The following CCDC6 variants were observed in gnomAD, a reference collection of about 807,000 sequenced individuals.
CCDC6 encodes coiled-coil domain-containing protein 6.
A neutral mutation model predicts 56.6 loss-of-function variants in CCDC6; 20 were observed. That is an observed-to-expected ratio of 0.35 (90% CI 0.25 to 0.51). The LOEUF (loss-of-function observed/expected upper bound fraction) is 0.51. Ranked by LOEUF, CCDC6 falls within the 20% of genes least tolerant of loss-of-function variation. The pLI, the probability that CCDC6 is intolerant of heterozygous loss-of-function variation, is 0.95. For synonymous variants in CCDC6, 241 were observed against 234.4 expected (o/e 1.03, Z -0.26); for missense variants, 367 against 601.1 (o/e 0.61, Z 4.07).
intron 7 of CCDC6, among the ~76,000 whole-genome samples, chr10:59,803,630 T>C (rs2070594977): frequency 6.6e-6 from 1 of 152,178 alleles, no homozygotes; most frequent in Admixed American, 6.5e-5. Flanking sequence ...TGCTCCTCTT[T>C]CTCTCTCACT....
chr10:59,864,299 A>C (rs1467895351), intron 1 of CCDC6, among the ~76,000 whole-genome samples: 1 of 152,230 alleles, frequency 6.6e-6, no homozygotes, highest in East Asian at 1.9e-4. Context: ...TCAGATGCAG[A>C]GTCCACTCAA....
Position 59,884,835 on chromosome 10 carries a change from G to A in CCDC6, c.303+21287C>T, listed in dbSNP as rs539718009. On this transcript the variant is annotated intron_variant, in intron 1 of 8. Coordinates refer to ENST00000263102, the MANE Select transcript of CCDC6 (RefSeq NM_005436.5). ...TCCCAGCACTTTGGGAGGCCGAGGC[G>A]GGCAGATCACTTGAAGTCAGGAATT... 2.6e-5 allele frequency among the ~76,000 whole-genome samples: 4 copies of A among 152,220 alleles called. No individual in the cohort carries two copies. In the South Asian group the frequency reaches 6.2e-4, roughly 24 times the overall value.
intron 1 of CCDC6, among the ~76,000 whole-genome samples, chr10:59,863,968 C>T (rs1487859664): frequency 6.6e-6 from 1 of 152,156 alleles, no homozygotes; most frequent in Admixed American, 6.5e-5. Flanking sequence ...GTTACAGGCA[C>T]ATTCCAACTT....
intron 5 of CCDC6, 55 bp from the exon 6 acceptor site, chr10:59,807,133 T>C (rs975777341): frequency 1.8e-5 from 28 of 1,521,806 alleles, no homozygotes; most frequent in Middle Eastern, 3.5e-4. Flanking sequence ...TATCCAAATC[T>C]AAAAAAAAGG....
chr10:59,833,334 G>A (rs959329686), intron 2 of CCDC6, among the ~76,000 whole-genome samples: 3 of 151,978 alleles, frequency 2.0e-5, no homozygotes, highest in African/African-American at 7.3e-5. Context: ...CTGTAATCCC[G>A]GCTACTTGGG....
intron 1 of CCDC6, among the ~76,000 whole-genome samples, chr10:59,873,254 T>G (rs1208663127): frequency 6.6e-6 from 1 of 152,178 alleles, no homozygotes; most frequent in African/African-American, 2.4e-5. Context: ...ATAGGTTCTT[T>G]GCAGATGTAA....
intron 1 of CCDC6, 129 bp from the exon 2 acceptor site, chr10:59,852,831 G>C: frequency 1.5e-6 from 1 of 654,294 alleles, no homozygotes. Context: ...ATTTTTAGCT[G>C]TGAACCAACA....
chr10:59,881,107 T>A (rs982203843), intron 1 of CCDC6, among the ~76,000 whole-genome samples: 1 of 152,180 alleles, frequency 6.6e-6, no homozygotes, highest in Admixed American at 6.5e-5. Flanking sequence ...GCCATGTGCC[T>A]TCTGACTAAA....
At chr10:59,814,539 T>C in intron 4 of CCDC6, 113 bp downstream of exon 4, 5 of 648,602 alleles carry the variant, frequency 7.7e-6, no homozygotes, top group Non-Finnish European at 8.2e-6. Context: ...ATTAAAATGA[T>C]GTGCATCACC....
intron 7 of CCDC6, among the ~76,000 whole-genome samples, chr10:59,798,991 CAAAAAAAAAAA>C (rs34505959): frequency 6.5e-5 from 5 of 76,984 alleles, no homozygotes; most frequent in East Asian, 1.1e-3. Context: ...AAGACTGTTT[CAAAAAAAAAAA>C]AAAAAAAAAA....
intron 1 of CCDC6, among the ~76,000 whole-genome samples, chr10:59,898,057 G>T (rs2071477244): frequency 6.6e-6 from 1 of 152,146 alleles, no homozygotes; most frequent in Admixed American, 6.5e-5. Flanking sequence ...TAAAAAACTA[G>T]AATTCAAAAT....
chr10:59,890,270 A>G (rs2071412181), intron 1 of CCDC6, among the ~76,000 whole-genome samples: 2 of 152,196 alleles, frequency 1.3e-5, no homozygotes, highest in African/African-American at 2.4e-5. Context: ...GATGGCTTTC[A>G]GAGAGGAGGA....
intron 2 of CCDC6, among the ~76,000 whole-genome samples, chr10:59,851,256 A>G (rs1459761655): frequency 6.6e-6 from 1 of 152,138 alleles, no homozygotes; most frequent in African/African-American, 2.4e-5. Flanking sequence ...ACTAGGTAAA[A>G]TAAGTCATTT....
intron 2 of CCDC6, among the ~76,000 whole-genome samples, chr10:59,849,386 C>G (rs2071019617): frequency 6.6e-6 from 1 of 152,136 alleles, no homozygotes; most frequent in Non-Finnish European, 1.5e-5. Context: ...TAAGCCATCT[C>G]CCAAACTGGA....
Position 59,906,039 on chromosome 10 carries a change from T to C in CCDC6, c.303+83A>G, listed in dbSNP as rs568056838. 5,812 of 1,213,644 alleles carry C rather than the reference T, an allele frequency of 4.8e-3. 22 individuals are homozygous for C. Among genetic ancestry groups the C allele is most frequent in the Non-Finnish European group, 5.9e-3 (5,093 of 867,344 alleles). The allele number at this position is 1,213,644 out of a possible 1,614,324, so 75.2% of individuals were successfully genotyped here. A position where few individuals can be genotyped will look rare whatever the true frequency, so the allele number is the denominator to read the frequency against. On this transcript the variant is annotated intron_variant, in intron 1 of 8. Coordinates refer to ENST00000263102, the MANE Select transcript of CCDC6 (RefSeq NM_005436.5). ...GGGTCCCCGGGAATCTGGGGAAGAC[T>C]TGGGGGGTGGCTGGATTCGGGTGCA...
At chr10:59,806,732 T>C in intron 6 of CCDC6, 190 bp downstream of exon 6, 1 of 459,906 alleles carries the variant, frequency 2.2e-6, no homozygotes, top group Non-Finnish European at 3.8e-6. Flanking sequence ...TTCATCTTTT[T>C]GTGTTTAAGG....
At chr10:59,793,219 A>T in intron 8 of CCDC6, 108 bp from the exon 9 acceptor site, 1 of 796,006 alleles carries the variant, frequency 1.3e-6, no homozygotes, top group Middle Eastern at 3.2e-4. Context: ...ACCAACAAAG[A>T]CAAGAAACCA....
At chr10:59,808,872 C>T (rs2070649625) in intron 5 of CCDC6, among the ~76,000 whole-genome samples, 1 of 152,176 alleles carries the variant, frequency 6.6e-6, no homozygotes, top group African/African-American at 2.4e-5. Context: ...TATACAAAAG[C>T]TCTTGAATAT....
At chr10:59,877,187 A>T (rs1259377004) in intron 1 of CCDC6, among the ~76,000 whole-genome samples, 2 of 152,224 alleles carry the variant, frequency 1.3e-5, no homozygotes, top group African/African-American at 4.8e-5. Flanking sequence ...ATTTGACAAA[A>T]TTCTGCTCAT....
Sources: gnomAD v4.1 joint callset for allele counts (sites outside exome capture counted in the v4.1 genomes callset) on GRCh38, gnomAD v4.1.1 for gene constraint, MANE v1.5 for transcripts, NCBI Gene and HGNC (gene_info 2026-07-23, HGNC 2026-07-21) for gene names.